ANK2: variants seen among roughly 807,000 people sequenced by gnomAD.
ANK2 encodes the protein ankyrin-2.
A neutral mutation model predicts 360.5 loss-of-function variants in ANK2; 83 were observed. The observed-to-expected ratio is 0.23, with a 90% CI of 0.19 to 0.28. The LOEUF (loss-of-function observed/expected upper bound fraction) is 0.28. ANK2 is among the 10% of genes least tolerant of loss of function. The pLI, the probability that ANK2 is intolerant of heterozygous loss-of-function variation, is 1.00. For missense variants in ANK2, 4,201 were observed against 4,795.7 expected, an observed-to-expected ratio of 0.88 and a Z score of 3.66; for synonymous variants, 1,740 against 1,759.5, an observed-to-expected ratio of 0.99 and a Z score of 0.28.
chr4:113,198,867 C>CT, intron 3 of ANK2, 144 bp from the exon 4 acceptor site: 2 of 665,206 alleles, frequency 3.0e-6, no homozygotes, highest in Non-Finnish European at 5.1e-6. Flanking sequence ...AAAAAATAAT[C>CT]TCTTCGTAAG....
the ANK2 span, chr4:112,706,923 AC>A: frequency 6.6e-6 from 1 of 151,918 alleles, no homozygotes; most frequent in Non-Finnish European, 1.5e-5. Context: ...ACAAGGGAGT[AC>A]TCCATCTGGT....
intron 20 of ANK2, among the ~76,000 whole-genome samples, chr4:113,289,122 A>G (rs1368285104): frequency 2.6e-5 from 4 of 152,076 alleles, no homozygotes; most frequent in African/African-American, 9.7e-5. Context: ...TGTGGCTATT[A>G]TGCATACTAT....
intron 8 of ANK2, 51 bp from the exon 9 acceptor site, chr4:113,242,060 A>C: frequency 6.8e-7 from 1 of 1,471,382 alleles, no homozygotes; most frequent in East Asian, 2.3e-5. Flanking sequence ...AGGCATCGCC[A>C]TCATGCCCTG....
chr4:112,817,551 C>G (rs1004955977), upstream of ANK2, among the ~76,000 whole-genome samples: 5 of 152,122 alleles, frequency 3.3e-5, no homozygotes, highest in Non-Finnish European at 5.9e-5. Context: ...GGTTACCTCA[C>G]TGAGATTGCC....
chr4:112,919,749 G>A (rs531554169), intron 2 of ANK2, among the ~76,000 whole-genome samples: 2 of 152,206 alleles, frequency 1.3e-5, no homozygotes, highest in South Asian at 4.1e-4. Flanking sequence ...ATGTAGCAAA[G>A]TGTTGCCAAA....
the ANK2 span, among the ~76,000 whole-genome samples, chr4:112,787,709 GCAC>G: frequency 6.6e-6 from 1 of 152,180 alleles, no homozygotes; most frequent in Admixed American, 6.5e-5. Context: ...AGAATGAGTA[GCAC>G]CACTGTCATG....
chr4:113,383,068 G>T lies in ANK2; in HGVS notation c.*1597G>T, dbSNP rs773876171. On this transcript the variant is annotated 3_prime_UTR_variant, in exon 46 of 46. Transcript: ENST00000357077. ...AGTATACATTTTGAATCAGTCATTT[G>T]TTAAAGAAAAGTATATTCAATGAAG... The T allele has an allele frequency of 6.6e-6, 1 of 152,502 alleles. No homozygotes were observed. The highest frequency in any genetic ancestry group is 1.5e-5 in the Non-Finnish European group (1 of 68,020). The allele number at this position is 152,502 out of a possible 1,614,324, so 9.4% of individuals were successfully genotyped here.
intron 2 of ANK2, among the ~76,000 whole-genome samples, chr4:113,037,426 GTAT>G (rs2061850137): frequency 6.6e-6 from 1 of 151,890 alleles, no homozygotes; most frequent in Admixed American, 6.6e-5. Flanking sequence ...AGCATTAAAT[GTAT>G]TATTATTGTT....
At chr4:113,244,367 T>C (rs1425430561) in intron 9 of ANK2, among the ~76,000 whole-genome samples, 1 of 152,190 alleles carries the variant, frequency 6.6e-6, no homozygotes, top group Non-Finnish European at 1.5e-5. Context: ...AACAGTCTTC[T>C]TGTAAAAGTT....
intron 2 of ANK2, among the ~76,000 whole-genome samples, chr4:113,019,800 T>C (rs1187569916): frequency 6.6e-6 from 1 of 152,102 alleles, no homozygotes; most frequent in Non-Finnish European, 1.5e-5. Flanking sequence ...AATTATTTTT[T>C]ATAAAGATCC....
At chr4:112,850,356 T>TCCATCCATCCATCCATCCACCCAC (rs1176494692) in intron 1 of ANK2, among the ~76,000 whole-genome samples, 10 of 149,322 alleles carry the variant, frequency 6.7e-5, no homozygotes, top group African/African-American at 2.0e-4. Flanking sequence ...CATCCATCCA[T>TCCATCCATCCATCCATCCACCCAC]CCACCCATTC....
At chr4:113,177,148 C>T (rs113201457) in intron 2 of ANK2, among the ~76,000 whole-genome samples, 172 of 152,206 alleles carry the variant, frequency 1.1e-3, no homozygotes, top group African/African-American at 3.5e-3. Flanking sequence ...GGCGTGATCT[C>T]GGCTCACTGC....
chr4:113,180,508 G>T (rs183593237), intron 2 of ANK2, among the ~76,000 whole-genome samples: 12 of 152,216 alleles, frequency 7.9e-5, no homozygotes, highest in African/African-American at 2.9e-4. Flanking sequence ...GAACATAAAA[G>T]GTATTGCCAT....
chr4:113,045,616 T>G (rs944515734), upstream of ANK2, among the ~76,000 whole-genome samples: 2 of 152,192 alleles, frequency 1.3e-5, no homozygotes, highest in Non-Finnish European at 2.9e-5. Context: ...CTGGCACTCT[T>G]ATAGGTACTT....
intron 2 of ANK2, among the ~76,000 whole-genome samples, chr4:113,040,604 T>A (rs1487416820): frequency 6.6e-6 from 1 of 152,092 alleles, no homozygotes; most frequent in African/African-American, 2.4e-5. Context: ...CCCTTAATCA[T>A]TCACTGAGGG....
chr4:113,258,492 G>C, intron 13 of ANK2, 81 bp downstream of exon 13: 1 of 1,363,336 alleles, frequency 7.3e-7, no homozygotes, highest in Non-Finnish European at 1.0e-6. Context: ...ATGTGTGTTT[G>C]CGTGTATGTC....
intron 4 of ANK2, among the ~76,000 whole-genome samples, chr4:113,208,619 A>G (rs1039922927): frequency 6.6e-6 from 1 of 151,880 alleles, no homozygotes; most frequent in Non-Finnish European, 1.5e-5. Context: ...CTCCTACCTC[A>G]GCTTTCTGAG....
chr4:113,281,788 G>C lies in ANK2; in HGVS notation c.1882-887G>C, dbSNP rs977715652. 2.0e-5 allele frequency among the ~76,000 whole-genome samples: 3 copies of C among 152,082 alleles called. No homozygotes were observed. The East Asian group carries it at 5.8e-4, about 29-fold the overall frequency. ...GGGGTATAGAGTTTTGTTCTTGTAA[G>C]CAGAGTATGAGTTTTCCTGTCCCTC... On this transcript the variant is annotated intron_variant, in intron 17 of 45. Coordinates refer to ENST00000357077, the MANE Select transcript of ANK2 (RefSeq NM_001148.6).
At chr4:112,983,548 G>A (rs570588040) in intron 2 of ANK2, among the ~76,000 whole-genome samples, 25 of 152,022 alleles carry the variant, frequency 1.6e-4, no homozygotes, top group African/African-American at 5.8e-4. Context: ...GGGTGTGGTG[G>A]CCTGTAATTC....
Sources: gnomAD v4.1 joint callset for allele counts (sites outside exome capture counted in the v4.1 genomes callset) on GRCh38, gnomAD v4.1.1 for gene constraint, MANE v1.5 for transcripts, NCBI Gene and HGNC (gene_info 2026-07-23, HGNC 2026-07-21) for gene names.